WWOX: variants seen among roughly 807,000 people sequenced by gnomAD.
WWOX encodes WW domain-containing oxidoreductase.
Under a neutral mutation model 46.2 loss-of-function variants are expected in WWOX, and 69 were observed. That is an observed-to-expected ratio of 1.49 (90% CI 1.23 to 1.82). The LOEUF is 1.82. WWOX is among the 40% of genes most tolerant of loss of function. The pLI, the probability that WWOX is intolerant of heterozygous loss-of-function variation, is 0.00. For missense variants in WWOX, 919 were observed against 542.6 expected (o/e 1.69, Z -6.89); for synonymous variants, 359 against 202.6 (o/e 1.77, Z -6.56).
At chr16:78,854,383 T>A (rs1025064701) in intron 8 of WWOX, among the ~76,000 whole-genome samples, 1 of 152,224 alleles carries the variant, frequency 6.6e-6, no homozygotes, top group Non-Finnish European at 1.5e-5. Context: ...ATGTTTGAAA[T>A]TATCATGAAA....
intron 6 of WWOX, among the ~76,000 whole-genome samples, chr16:78,402,297 G>A (rs947802086): frequency 1.3e-5 from 2 of 151,998 alleles, no homozygotes; most frequent in African/African-American, 4.8e-5. Context: ...TTATGTTATT[G>A]CAAAAATCAG....
intron 8 of WWOX, among the ~76,000 whole-genome samples, chr16:78,848,749 C>T (rs1429589353): frequency 1.3e-5 from 2 of 152,112 alleles, no homozygotes; most frequent in East Asian, 1.9e-4. Context: ...CACCAGTTCT[C>T]AATGCCATAC....
chr16:78,688,540 C>T (rs1380133586), intron 8 of WWOX, among the ~76,000 whole-genome samples: 1 of 152,134 alleles, frequency 6.6e-6, no homozygotes, highest in Non-Finnish European at 1.5e-5. Context: ...GACAGGTGCC[C>T]TCCTCAGCGG....
intron 4 of WWOX, among the ~76,000 whole-genome samples, chr16:78,144,521 A>AT (rs1300514888): frequency 3.7e-4 from 9 of 24,342 alleles, no homozygotes; most frequent in South Asian, 1.6e-3. Flanking sequence ...ATATATATAT[A>AT]TATTTTTTTT....
rs76400766 is a variant in WWOX at position 78,611,288 on chromosome 16, C to G, written c.1056+178536C>G. 6.4e-3 allele frequency among the ~76,000 whole-genome samples: 976 copies of G among 152,234 alleles called. 18 individuals are homozygous for G. Among genetic ancestry groups the G allele is most frequent in the African/African-American group, 0.022 (920 of 41,514 alleles). On this transcript the variant is annotated intron_variant, in intron 8 of 8. Transcript: ENST00000566780. ...TTAGGCAAGCGTTGATGACATCAAC[C>G]TAGCCTTTTATTTTAAATCCCCTGT...
At chr16:78,610,667 A>G (rs1447370977) in intron 8 of WWOX, among the ~76,000 whole-genome samples, 1 of 152,238 alleles carries the variant, frequency 6.6e-6, no homozygotes, top group South Asian at 2.1e-4. Context: ...ATATGTGGGT[A>G]TGGGGTGCTA....
At chr16:78,531,525 T>A (rs893949306) in intron 8 of WWOX, among the ~76,000 whole-genome samples, 1 of 152,140 alleles carries the variant, frequency 6.6e-6, no homozygotes, top group African/African-American at 2.4e-5. Context: ...CTTACATGTA[T>A]GAAGTTGGAT....
intron 4 of WWOX, 94 bp from the exon 5 acceptor site, chr16:78,164,089 G>A: frequency 8.7e-7 from 1 of 1,150,694 alleles, no homozygotes. Context: ...TGAGAACTTG[G>A]GGTAATTTAA....
intron 8 of WWOX, among the ~76,000 whole-genome samples, chr16:78,765,300 G>A (rs1409571913): frequency 1.3e-5 from 2 of 152,238 alleles, no homozygotes; most frequent in Non-Finnish European, 2.9e-5. Flanking sequence ...GGACAGTGAT[G>A]AGACCTTCTG....
intron 8 of WWOX, among the ~76,000 whole-genome samples, chr16:79,095,196 G>T (rs1281335627): frequency 6.6e-6 from 1 of 152,164 alleles, no homozygotes; most frequent in Non-Finnish European, 1.5e-5. Context: ...TTGTCCACCT[G>T]TCGTTTTCCT....
At chr16:78,945,063 G>C (rs569871487) in intron 8 of WWOX, among the ~76,000 whole-genome samples, 1 of 152,014 alleles carries the variant, frequency 6.6e-6, no homozygotes, top group African/African-American at 2.4e-5. Flanking sequence ...ACCTGTAGTC[G>C]CAGGTACTTG....
At chr16:78,177,389 G>C (rs771764419) in intron 5 of WWOX, among the ~76,000 whole-genome samples, 2 of 152,178 alleles carry the variant, frequency 1.3e-5, no homozygotes, top group Non-Finnish European at 2.9e-5. Flanking sequence ...AACTGTCATC[G>C]ATGCCAGCGC....
In WWOX at chr16:78,656,186, G is replaced by C. The variant is rs538613499; in HGVS notation, c.1056+223434G>C. Among the ~76,000 whole-genome samples the C allele has an allele frequency of 1.4e-4, 22 of 152,234 alleles. No homozygotes were observed. In the Middle Eastern group the frequency reaches 0.01, roughly 71 times the overall value. On this transcript the variant is annotated intron_variant, in intron 8 of 8. Transcript: ENST00000566780. Reference sequence around the variant, plus strand: ...ATAACATTTGTGTGTGTGTGGGTGGGTGGGTGTGTGTGAAAGGTAGGATCA... The same window carrying C: ...ATAACATTTGTGTGTGTGTGGGTGGCTGGGTGTGTGTGAAAGGTAGGATCA...
chr16:78,759,898 G>C (rs1248911422), intron 8 of WWOX, among the ~76,000 whole-genome samples: 3 of 152,094 alleles, frequency 2.0e-5, no homozygotes, highest in East Asian at 1.9e-4. Flanking sequence ...GCATTTTTCA[G>C]CTCACGGCCA....
At chr16:78,375,368 C>A (rs147310711) in intron 5 of WWOX, among the ~76,000 whole-genome samples, 35 of 152,314 alleles carry the variant, frequency 2.3e-4, no homozygotes, top group African/African-American at 7.7e-4. Context: ...GTTGTTGCTG[C>A]CACTATGAGT....
intron 8 of WWOX, among the ~76,000 whole-genome samples, chr16:78,777,284 C>A (rs902239510): frequency 3.3e-5 from 5 of 152,068 alleles, no homozygotes; most frequent in Non-Finnish European, 7.3e-5. Flanking sequence ...TGCCATCCAA[C>A]AGGAATTTGT....
At chr16:78,602,157 T>C (rs1200575317) in intron 8 of WWOX, among the ~76,000 whole-genome samples, 1 of 152,242 alleles carries the variant, frequency 6.6e-6, no homozygotes, top group Admixed American at 6.5e-5. Context: ...AGTCAGAGCA[T>C]AGAGGACTGT....
intron 8 of WWOX, among the ~76,000 whole-genome samples, chr16:78,759,010 C>T (rs989028495): frequency 4.6e-5 from 7 of 151,360 alleles, no homozygotes; most frequent in African/African-American, 9.7e-5. Context: ...ATTCGAAGCT[C>T]CTGATGTCTA....
At chr16:78,827,571 G>A (rs1011356990) in intron 8 of WWOX, among the ~76,000 whole-genome samples, 1 of 152,062 alleles carries the variant, frequency 6.6e-6, no homozygotes. Context: ...GGTAGCTCAT[G>A]CCTGTAATCC....
Sources: gnomAD v4.1 joint callset for allele counts (sites outside exome capture counted in the v4.1 genomes callset) on GRCh38, gnomAD v4.1.1 for gene constraint, MANE v1.5 for transcripts, NCBI Gene and HGNC (gene_info 2026-07-23, HGNC 2026-07-21) for gene names.